PCDHGA4: variants seen among roughly 807,000 people sequenced by gnomAD.
The protein encoded by PCDHGA4 is protocadherin gamma-A4.
A neutral mutation model predicts 54.6 loss-of-function variants in PCDHGA4; 38 were observed. The ratio of observed to expected loss-of-function variants is 0.70; its 90% CI spans 0.54 to 0.91. The LOEUF is 0.91. PCDHGA4 is among the 40% of genes least tolerant of loss of function. The pLI, the probability that PCDHGA4 is intolerant of heterozygous loss-of-function variation, is 0.00. For missense variants in PCDHGA4, 1,298 were observed against 1,220.9 expected (o/e 1.06, Z -0.94); for synonymous variants, 511 against 512.9 (o/e 1.00, Z 0.05).
At chr5:141,499,648 CAT>C (rs1434824310) in intron 2 of PCDHGA4, among the ~76,000 whole-genome samples, 2 of 148,784 alleles carry the variant, frequency 1.3e-5, no homozygotes, top group Admixed American at 6.7e-5. Flanking sequence ...TCTCAGACAT[CAT>C]ATAATTTCAT....
chr5:141,478,127 C>T (rs1323163663), intron 1 of PCDHGA4: 1 of 1,613,988 alleles, frequency 6.2e-7, no homozygotes, highest in Admixed American at 1.7e-5. Flanking sequence ...CGAGGACTCT[C>T]CTGAAGCCCG....
rs1182148013 is a variant in PCDHGA4, at chr5:141,431,510, G to C, written c.2515-63297G>C. On this transcript the variant is annotated intron_variant, in intron 1 of 3. Transcript: ENST00000571252. This position sits in a 1 kb window ranked among gnomAD's most constrained non-coding sequence, Gnocchi z 4.8. ...TGCTCAGCCCGAGTACCGCGCGAGC[G>C]TTCCGGAGAATCTGGCCTTGGGCAC... 6.2e-7 allele frequency: 1 copy of C among 1,614,022 alleles called. No homozygotes were observed. The highest frequency in any genetic ancestry group is 8.5e-7 in the Non-Finnish European group (1 of 1,180,026).
chr5:141,445,120 AT>A (rs1287463110), intron 1 of PCDHGA4, among the ~76,000 whole-genome samples: 1 of 152,228 alleles, frequency 6.6e-6, no homozygotes, highest in African/African-American at 2.4e-5. Flanking sequence ...TGTAAATAGT[AT>A]TTTTAAAATT....
chr5:141,474,900 T>C (rs577411783), intron 1 of PCDHGA4, among the ~76,000 whole-genome samples: 2 of 152,368 alleles, frequency 1.3e-5, no homozygotes, highest in South Asian at 2.1e-4. Flanking sequence ...TCATTTCTTG[T>C]TCAAGGATAT....
At chr5:141,443,977 AT>A (rs1443967001) in intron 1 of PCDHGA4, among the ~76,000 whole-genome samples, 1 of 152,020 alleles carries the variant, frequency 6.6e-6, no homozygotes, top group African/African-American at 2.4e-5. Context: ...CATCTAAGCT[AT>A]GTTAATTTTA....
At chr5:141,374,630 C>T (rs1273504244) in intron 1 of PCDHGA4, 1 of 1,613,140 alleles carries the variant, frequency 6.2e-7, no homozygotes, top group South Asian at 1.1e-5. Flanking sequence ...AGTGGACGTG[C>T]AAAGCGAAGC....
chr5:141,499,223 C>T (rs1478344280), intron 2 of PCDHGA4, among the ~76,000 whole-genome samples: 2 of 152,112 alleles, frequency 1.3e-5, no homozygotes, highest in African/African-American at 4.8e-5. Context: ...CCCTGCCCTG[C>T]AGCTGTCCCC....
chr5:141,409,751 C>G lies in PCDHGA4; in HGVS notation c.2514+52130C>G, dbSNP rs774810318. The G allele has an allele frequency of 1.5e-5, 25 of 1,613,000 alleles. No homozygotes were observed. In the Admixed American group the frequency reaches 4.0e-4, roughly 26 times the overall value. The stretch of plus-strand genomic sequence containing the variant: ...CGCGCAGAGCGGGGTGGTGTTCGCG[C>G]AGCGCGCCTTTGATCACGAGCAGCT... On this transcript the variant is annotated intron_variant, in intron 1 of 3. Coordinates refer to ENST00000571252, the MANE Select transcript of PCDHGA4 (RefSeq NM_018917.4).
intron 1 of PCDHGA4, chr5:141,364,103 C>G: frequency 2.4e-6 from 1 of 411,126 alleles, no homozygotes; most frequent in East Asian, 3.6e-5. Flanking sequence ...GATGCAGTCA[C>G]TGGTTAGGAC....
intron 1 of PCDHGA4, chr5:141,375,845 G>C (rs1308593204): frequency 6.2e-7 from 1 of 1,614,076 alleles, no homozygotes; most frequent in East Asian, 2.2e-5. Flanking sequence ...CGGCTACCTG[G>C]TGACCAAGGT....
chr5:141,415,982 T>A lies in PCDHGA4; in HGVS notation c.2514+58361T>A, dbSNP rs531852883. The A allele has an allele frequency of 1.9e-4, 66 of 342,492 alleles. 1 individual carries two copies. Among genetic ancestry groups the A allele is most frequent in the African/African-American group, 1.3e-3 (59 of 46,668 alleles). 21.2% of individuals were successfully genotyped at this position (342,492 alleles called of 1,614,324 possible). A position where few individuals can be genotyped will look rare whatever the true frequency, so the allele number is the denominator to read the frequency against. ...AACTCCAGCCCCTTAAGCAACCCTC[T>A]TGTTCTGAAGGCAGGTCTGGTAAGA... On this transcript the variant is annotated intron_variant, in intron 1 of 3. Transcript: ENST00000571252.
At chr5:141,453,205 G>C (rs570291941) in intron 1 of PCDHGA4, among the ~76,000 whole-genome samples, 2 of 151,872 alleles carry the variant, frequency 1.3e-5, no homozygotes, top group Non-Finnish European at 2.9e-5. Context: ...CCTCAACCTC[G>C]TGCACTTAAG....
intron 1 of PCDHGA4, chr5:141,364,487 G>T: frequency 6.2e-7 from 1 of 1,614,032 alleles, no homozygotes; most frequent in Non-Finnish European, 8.5e-7. Flanking sequence ...CAAGGACCTT[G>T]GGCTGGAGCC....
intron 1 of PCDHGA4, chr5:141,364,303 T>C: frequency 1.3e-6 from 2 of 1,521,756 alleles, no homozygotes; most frequent in South Asian, 1.3e-5. Context: ...GAACCAGAAC[T>C]AAGAGAAAAT....
chr5:141,495,853 C>T (rs1254274145), intron 2 of PCDHGA4, among the ~76,000 whole-genome samples: 1 of 152,136 alleles, frequency 6.6e-6, no homozygotes, highest in African/African-American at 2.4e-5. Context: ...TTCTCTGTCT[C>T]TCACTATTTC....
intron 1 of PCDHGA4, chr5:141,397,927 G>C: frequency 1.3e-6 from 1 of 764,054 alleles, no homozygotes. Flanking sequence ...TCCTCGCGCA[G>C]CCGCAGCGCG....
chr5:141,505,246 G>GAAGT, intron 2 of PCDHGA4, 147 bp from the exon 3 acceptor site: 3 of 1,436,674 alleles, frequency 2.1e-6, no homozygotes, highest in Non-Finnish European at 2.8e-6. Context: ...AAGGATTGTA[G>GAAGT]AAGTGCCTCC....
chr5:141,433,837 C>CAAAAAA (rs56191208), intron 1 of PCDHGA4, among the ~76,000 whole-genome samples: 2 of 111,692 alleles, frequency 1.8e-5, no homozygotes, highest in Non-Finnish European at 3.9e-5. Context: ...AACTCTATCT[C>CAAAAAA]AAAAAAAAAA....
At chr5:141,435,026 C>T (rs977017371) in intron 1 of PCDHGA4, among the ~76,000 whole-genome samples, 1 of 151,978 alleles carries the variant, frequency 6.6e-6, no homozygotes, top group Non-Finnish European at 1.5e-5. Flanking sequence ...GCTCTTTTCC[C>T]ACTTTTATTT....
Sources: gnomAD v4.1 joint callset for allele counts (sites outside exome capture counted in the v4.1 genomes callset) on GRCh38, gnomAD v4.1.1 for gene constraint, Gnocchi (gnomAD v3.1) non-coding constraint, MANE v1.5 for transcripts, NCBI Gene and HGNC (gene_info 2026-07-23, HGNC 2026-07-21) for gene names.